Variants in GRM7 observed in about 807,000 individuals in gnomAD.
GRM7 encodes the protein glutamate metabotropic receptor 7.
A neutral mutation model predicts 84.5 loss-of-function variants in GRM7; 35 were observed. The observed-to-expected ratio is 0.41, with a 90% CI of 0.32 to 0.55. GRM7 has a LOEUF of 0.55. Among genes scored for constraint, GRM7 ranks in the 20% least tolerant of loss-of-function variants. The pLI, the probability that GRM7 is intolerant of heterozygous loss-of-function variation, is 0.19. For synonymous variants in GRM7, 487 were observed against 455.1 expected, an observed-to-expected ratio of 1.07 and a Z score of -0.89; for missense variants, 1,003 against 1,194.6, an observed-to-expected ratio of 0.84 and a Z score of 2.36.
At chr3:7,394,937 C>G (rs1302958509) in intron 4 of GRM7, among the ~76,000 whole-genome samples, 3 of 151,494 alleles carry the variant, frequency 2.0e-5, no homozygotes, top group Admixed American at 2.0e-4. Flanking sequence ...ACTCAGGAGG[C>G]TGAGGCAGGA....
At chr3:7,610,167 C>G (rs140869847) in intron 8 of GRM7, among the ~76,000 whole-genome samples, 78 of 152,322 alleles carry the variant, frequency 5.1e-4, no homozygotes, top group African/African-American at 1.7e-3. Context: ...CTAAAAGGCA[C>G]TTAAACTTTA....
At chr3:7,645,022 T>C (rs926532772) in intron 8 of GRM7, among the ~76,000 whole-genome samples, 1 of 152,042 alleles carries the variant, frequency 6.6e-6, no homozygotes, top group African/African-American at 2.4e-5. Context: ...AGCTTGTGTG[T>C]TGAGCATGCA....
At chr3:7,483,686 A>C (rs1349685699) in intron 7 of GRM7, among the ~76,000 whole-genome samples, 1 of 152,152 alleles carries the variant, frequency 6.6e-6, no homozygotes, top group African/African-American at 2.4e-5. Context: ...AGGTTGAGCT[A>C]TGGGGGTGAA....
chr3:7,222,696 G>T (rs1366069546), intron 2 of GRM7, among the ~76,000 whole-genome samples: 1 of 152,106 alleles, frequency 6.6e-6, no homozygotes, highest in Non-Finnish European at 1.5e-5. Flanking sequence ...AATTTGTGAT[G>T]GTTTGTGGCA....
intron 1 of GRM7, among the ~76,000 whole-genome samples, chr3:6,974,382 G>T (rs905633140): frequency 1.3e-5 from 2 of 152,190 alleles, no homozygotes; most frequent in African/African-American, 4.8e-5. Flanking sequence ...ACATCAATTT[G>T]GGAGCTGTCA....
intron 2 of GRM7, among the ~76,000 whole-genome samples, chr3:7,213,472 A>G (rs758684302): frequency 6.6e-6 from 1 of 152,204 alleles, no homozygotes; most frequent in Non-Finnish European, 1.5e-5. Context: ...AGGGATGTTA[A>G]TTGACTTGAT....
chr3:7,164,129 T>G (rs1253136849), intron 2 of GRM7, among the ~76,000 whole-genome samples: 1 of 152,060 alleles, frequency 6.6e-6, no homozygotes, highest in Non-Finnish European at 1.5e-5. Context: ...GAGGCTGAGG[T>G]GGGCAGAACA....
At chr3:7,592,790 A>G (rs973216361) in intron 8 of GRM7, among the ~76,000 whole-genome samples, 7 of 152,202 alleles carry the variant, frequency 4.6e-5, no homozygotes, top group African/African-American at 1.2e-4. Context: ...AAATATATAT[A>G]TGGAACCGAG....
chr3:7,352,403 TAATAA>T (rs1223650667), intron 4 of GRM7, among the ~76,000 whole-genome samples: 4 of 152,038 alleles, frequency 2.6e-5, no homozygotes, highest in Non-Finnish European at 5.9e-5. Flanking sequence ...CTGGACAAAG[TAATAA>T]AATAAAAGGA....
At chr3:7,408,438 T>C (rs1187127541) in intron 4 of GRM7, among the ~76,000 whole-genome samples, 1 of 152,222 alleles carries the variant, frequency 6.6e-6, no homozygotes, top group East Asian at 1.9e-4. Context: ...ATTTGTTTTC[T>C]CAAAAATAAT....
At chr3:7,430,064 A>T (rs1038987409) in intron 5 of GRM7, among the ~76,000 whole-genome samples, 5 of 152,176 alleles carry the variant, frequency 3.3e-5, no homozygotes, top group Non-Finnish European at 7.3e-5. Flanking sequence ...AGACAGGATT[A>T]CTTTGAGCCC....
intron 2 of GRM7, among the ~76,000 whole-genome samples, chr3:7,272,425 G>A (rs1239547211): frequency 6.6e-6 from 1 of 152,178 alleles, no homozygotes; most frequent in Non-Finnish European, 1.5e-5. Flanking sequence ...ACAGGAATAC[G>A]TGTTTTAGGT....
intron 1 of GRM7, among the ~76,000 whole-genome samples, chr3:6,932,751 C>CTTTTTTTT (rs35962540): frequency 7.5e-5 from 7 of 93,784 alleles, no homozygotes; most frequent in African/African-American, 9.4e-5. Context: ...TTCTTTCTCT[C>CTTTTTTTT]TTTTTTTTTT....
chr3:7,421,916 T>TAAA (rs773501237), intron 5 of GRM7, among the ~76,000 whole-genome samples: 195 of 78,812 alleles, frequency 2.5e-3, no homozygotes, highest in South Asian at 0.024. Flanking sequence ...CTACAAACAG[T>TAAA]AAAAAAAAAA....
At chr3:6,881,920 A>G (rs1559303764) in intron 1 of GRM7, among the ~76,000 whole-genome samples, 1 of 76,574 alleles carries the variant, frequency 1.3e-5, no homozygotes, top group African/African-American at 6.3e-5. Context: ...AGGCAATTGA[A>G]TTGTGTGTGT....
chr3:7,621,599 CT>C (rs2125088541), intron 8 of GRM7, among the ~76,000 whole-genome samples: 1 of 152,172 alleles, frequency 6.6e-6, no homozygotes, highest in East Asian at 1.9e-4. Flanking sequence ...TACAGAACCA[CT>C]TTATAATTTA....
chr3:7,501,885 C>T (rs1391456367), intron 7 of GRM7, among the ~76,000 whole-genome samples: 1 of 152,178 alleles, frequency 6.6e-6, no homozygotes, highest in South Asian at 2.1e-4. Flanking sequence ...CACAGTCATA[C>T]AGCATAAGAG....
At chr3:7,384,913 A>G (rs765704851) in intron 4 of GRM7, among the ~76,000 whole-genome samples, 2 of 152,358 alleles carry the variant, frequency 1.3e-5, no homozygotes, top group South Asian at 4.1e-4. Context: ...TGTGCTATGG[A>G]GATCAAATAT....
Position 7,178,446 on chromosome 3 carries a change from T to A in GRM7, c.736+31778T>A, listed in dbSNP as rs576202688. On this transcript the variant is annotated intron_variant, in intron 2 of 9. Transcript: ENST00000357716. Reference sequence around the variant, plus strand: ...CCTACTATTAAACACTTGGCATCCATGTAGATCCCTATCAATGCTGTGTGA... The same window carrying A: ...CCTACTATTAAACACTTGGCATCCAAGTAGATCCCTATCAATGCTGTGTGA... 2.0e-5 allele frequency among the ~76,000 whole-genome samples: 3 copies of A among 152,252 alleles called. No homozygotes were observed. In the South Asian group the frequency reaches 6.2e-4, roughly 32 times the overall value.
Sources: gnomAD v4.1 joint callset for allele counts (sites outside exome capture counted in the v4.1 genomes callset) on GRCh38, gnomAD v4.1.1 for gene constraint, MANE v1.5 for transcripts, NCBI Gene and HGNC (gene_info 2026-07-23, HGNC 2026-07-21) for gene names.